The following GLIS3 variants were observed in gnomAD, a reference collection of about 807,000 sequenced individuals.
GLIS3 encodes GLIS family zinc finger 3, also known as zinc finger protein GLIS3.
GLIS3 carries 53 observed loss-of-function variants against 78.6 expected under a neutral mutation model. The observed-to-expected ratio is 0.67, with a 90% confidence interval of 0.54 to 0.85. The LOEUF is 0.85. Among genes scored for constraint, GLIS3 ranks in the 40% least tolerant of loss-of-function variants. GLIS3 has a pLI of 0.00. For synonymous variants in GLIS3, 684 were observed against 509.9 expected, an observed-to-expected ratio of 1.34 and a Z score of -4.60; for missense variants, 1,703 against 1,231.1, an observed-to-expected ratio of 1.38 and a Z score of -5.74.
Position 4,279,880 on chromosome 9 carries a change from T to C in GLIS3, c.388+6158A>G, listed in dbSNP as rs905074724. 2.6e-5 allele frequency among the ~76,000 whole-genome samples: 4 copies of C among 151,976 alleles called. No homozygotes were observed. The East Asian group carries it at 7.7e-4, about 29-fold the overall frequency. ...AGAGATATGACAACCAAAGGTAATA[T>C]ATGATCTTTGATTAGAAAAAAAAAA... On this transcript the variant is annotated intron_variant, in intron 2 of 10. Transcript: ENST00000381971.
chr9:4,060,819 G>C (rs1035900157), intron 4 of GLIS3, among the ~76,000 whole-genome samples: 1 of 152,178 alleles, frequency 6.6e-6, no homozygotes, highest in African/African-American at 2.4e-5. Flanking sequence ...ACTAAGACAT[G>C]TGACATATTA....
intron 8 of GLIS3, among the ~76,000 whole-genome samples, chr9:3,870,385 A>G (rs1038432706): frequency 2.0e-5 from 3 of 152,212 alleles, no homozygotes; most frequent in African/African-American, 7.2e-5. Context: ...AAAATTAAAA[A>G]TTTTCTTGAA....
At chr9:3,999,333 T>G (rs1467140288) in intron 4 of GLIS3, among the ~76,000 whole-genome samples, 1 of 152,202 alleles carries the variant, frequency 6.6e-6, no homozygotes, top group African/African-American at 2.4e-5. Context: ...CAGATTTGCA[T>G]GCAATTTCCC....
intron 4 of GLIS3, among the ~76,000 whole-genome samples, chr9:4,041,286 C>T (rs1182767996): frequency 1.3e-5 from 2 of 152,196 alleles, no homozygotes; most frequent in Non-Finnish European, 2.9e-5. Flanking sequence ...CTATTTCCCT[C>T]TACCAACTAG....
chr9:4,202,682 G>C (rs1272663088), intron 2 of GLIS3, among the ~76,000 whole-genome samples: 1 of 152,088 alleles, frequency 6.6e-6, no homozygotes, highest in Non-Finnish European at 1.5e-5. Flanking sequence ...GTAACCATCA[G>C]ATCTTTGACA....
intron 2 of GLIS3, among the ~76,000 whole-genome samples, chr9:4,279,593 G>A (rs1463389459): frequency 6.6e-6 from 1 of 151,848 alleles, no homozygotes; most frequent in African/African-American, 2.4e-5. Context: ...AAAAATTAAT[G>A]TACTTTAAAT....
At chr9:3,904,387 G>A (rs1477964725) in intron 6 of GLIS3, among the ~76,000 whole-genome samples, 3 of 152,198 alleles carry the variant, frequency 2.0e-5, no homozygotes, top group Non-Finnish European at 4.4e-5. Flanking sequence ...TTGCCCAAGA[G>A]TTTTCGGCCT....
At chr9:4,028,878 C>T (rs957272080) in intron 4 of GLIS3, among the ~76,000 whole-genome samples, 2 of 152,106 alleles carry the variant, frequency 1.3e-5, no homozygotes, top group Admixed American at 6.5e-5. Flanking sequence ...GTTGCCAGGA[C>T]TGTTAGGTTC....
At chr9:4,389,436 A>G in the GLIS3 span, among the ~76,000 whole-genome samples, 2 of 152,210 alleles carry the variant, frequency 1.3e-5, no homozygotes, top group African/African-American at 4.8e-5. Context: ...TTGCCTGGAT[A>G]TCGCACAGTG....
chr9:4,130,643 A>G (rs1270417262), intron 2 of GLIS3, among the ~76,000 whole-genome samples: 1 of 152,228 alleles, frequency 6.6e-6, no homozygotes. Flanking sequence ...GAGGCTTGGA[A>G]GCTTCTGCCT....
chr9:3,981,410 A>G (rs1198400988), intron 4 of GLIS3, among the ~76,000 whole-genome samples: 2 of 152,136 alleles, frequency 1.3e-5, no homozygotes, highest in African/African-American at 4.8e-5. Context: ...ACCTTGGGAG[A>G]ACTGTCTAAT....
At chr9:4,451,448 A>G in the GLIS3 span, among the ~76,000 whole-genome samples, 1 of 152,170 alleles carries the variant, frequency 6.6e-6, no homozygotes, top group African/African-American at 2.4e-5. Context: ...AACAAGACAG[A>G]AGGTTAACAA....
chr9:4,428,602 G>A, the GLIS3 span, among the ~76,000 whole-genome samples: 3 of 151,676 alleles, frequency 2.0e-5, no homozygotes, highest in East Asian at 5.8e-4. Context: ...ATTCACCAAT[G>A]AAAATCAAAC....
intron 2 of GLIS3, among the ~76,000 whole-genome samples, chr9:4,161,022 T>C (rs140067691): frequency 0.011 from 1,677 of 151,060 alleles, 12 homozygotes; most frequent in Non-Finnish European, 0.017. Context: ...GGTGGAAGGA[T>C]TGCTTCAAAC....
At chr9:4,206,195 G>A (rs10974394) in intron 2 of GLIS3, among the ~76,000 whole-genome samples, 40,445 of 152,080 alleles carry the variant, frequency 0.27, 6,800 homozygotes, top group South Asian at 0.5. Flanking sequence ...AATCTTAATA[G>A]TGACCAAGGG....
At chr9:4,261,554 G>A (rs1825530203) in intron 2 of GLIS3, among the ~76,000 whole-genome samples, 3 of 152,134 alleles carry the variant, frequency 2.0e-5, no homozygotes, top group African/African-American at 4.8e-5. Flanking sequence ...AACTGAGAAG[G>A]CCAGTAACAA....
At chr9:4,035,570 C>T (rs1043016053) in intron 4 of GLIS3, among the ~76,000 whole-genome samples, 5 of 151,984 alleles carry the variant, frequency 3.3e-5, no homozygotes, top group Non-Finnish European at 7.4e-5. Context: ...GCTCTAGTCA[C>T]TTCTCTTCTC....
chr9:4,359,269 T>C, the GLIS3 span, among the ~76,000 whole-genome samples: 1 of 151,960 alleles, frequency 6.6e-6, no homozygotes, highest in Non-Finnish European at 1.5e-5. Context: ...GCTCCATTGC[T>C]TGAGTGGCTG....
At chr9:4,335,053 C>T (rs1285735475) in intron 2 of GLIS3, among the ~76,000 whole-genome samples, 4 of 151,772 alleles carry the variant, frequency 2.6e-5, no homozygotes, top group Admixed American at 6.6e-5. Flanking sequence ...GGACTACAGG[C>T]GCCCGCCACT....
Sources: gnomAD v4.1 joint callset for allele counts (sites outside exome capture counted in the v4.1 genomes callset) on GRCh38, gnomAD v4.1.1 for gene constraint, MANE v1.5 for transcripts, NCBI Gene and HGNC (gene_info 2026-07-23, HGNC 2026-07-21) for gene names.